The following AFF1 variants were observed in gnomAD, a reference collection of about 807,000 sequenced individuals.
AFF1 encodes the protein ALF transcription elongation factor 1, also known as AF4/FMR2 family member 1.
AFF1 carries 48 observed loss-of-function variants against 121.7 expected under a neutral mutation model. That is an observed-to-expected ratio of 0.39 (90% CI 0.31 to 0.50). AFF1 has a LOEUF of 0.50. Among genes scored for constraint, AFF1 ranks in the 20% least tolerant of loss-of-function variants. The pLI is 0.76. For synonymous variants in AFF1, 613 were observed against 563.0 expected, an observed-to-expected ratio of 1.09 and a Z score of -1.26; for missense variants, 1,523 against 1,511.7, an observed-to-expected ratio of 1.01 and a Z score of -0.12.
intron 12 of AFF1, among the ~76,000 whole-genome samples, chr4:87,122,187 G>A (rs537396812): frequency 6.6e-6 from 1 of 152,294 alleles, no homozygotes; most frequent in South Asian, 2.1e-4. Context: ...TTTCTGTCTT[G>A]TAATGTTTCT....
chr4:87,002,777 C>T (rs894889604), intron 2 of AFF1, among the ~76,000 whole-genome samples: 6 of 152,104 alleles, frequency 3.9e-5, no homozygotes, highest in South Asian at 2.1e-4. Flanking sequence ...TAGCAGGAGC[C>T]GGGTCCAGGG....
chr4:87,006,143 C>A (rs1726099861), intron 2 of AFF1, among the ~76,000 whole-genome samples: 1 of 152,144 alleles, frequency 6.6e-6, no homozygotes, highest in Non-Finnish European at 1.5e-5. Context: ...TCTGGACTAT[C>A]TCTTTATGAG....
At chr4:87,094,569 C>A (rs1724636168) in intron 7 of AFF1, among the ~76,000 whole-genome samples, 1 of 152,180 alleles carries the variant, frequency 6.6e-6, no homozygotes, top group Non-Finnish European at 1.5e-5. Flanking sequence ...TGTAAAGTCA[C>A]ATGGGACCCA....
At chr4:86,946,937 C>T (rs17012182) in intron 1 of AFF1, among the ~76,000 whole-genome samples, 3,333 of 152,246 alleles carry the variant, frequency 0.022, 146 homozygotes, top group African/African-American at 0.076. Flanking sequence ...AGGGACTCTT[C>T]AGATGCCTCT....
At chr4:87,095,802 C>G (rs181903231) in intron 8 of AFF1, among the ~76,000 whole-genome samples, 3,467 of 146,370 alleles carry the variant, frequency 0.024, 86 homozygotes, top group African/African-American at 0.068. Context: ...GTATTGAACT[C>G]TTACTACTTT....
chr4:87,075,586 A>G (rs955567965), intron 4 of AFF1, among the ~76,000 whole-genome samples: 2 of 151,952 alleles, frequency 1.3e-5, no homozygotes, highest in Non-Finnish European at 2.9e-5. Flanking sequence ...ACCCTCCCCA[A>G]CCTGACGTTC....
chr4:86,999,435 T>C (rs775583219), intron 2 of AFF1, among the ~76,000 whole-genome samples: 1 of 152,226 alleles, frequency 6.6e-6, no homozygotes. Context: ...CATTGATAGA[T>C]ATCTCTCAGC....
At chr4:86,996,620 C>T (rs1350254191) in intron 2 of AFF1, among the ~76,000 whole-genome samples, 2 of 151,576 alleles carry the variant, frequency 1.3e-5, no homozygotes, top group Non-Finnish European at 2.9e-5. Flanking sequence ...CTAGGAAAAC[C>T]AGAGACCTTT....
intron 1 of AFF1, among the ~76,000 whole-genome samples, chr4:86,943,318 C>G (rs188549493): frequency 1.4e-4 from 21 of 152,166 alleles, no homozygotes; most frequent in Admixed American, 4.6e-4. Context: ...ATGATCTCTC[C>G]CAGGGGTAGA....
chr4:86,950,664 T>C (rs188425955), intron 2 of AFF1, among the ~76,000 whole-genome samples: 357 of 152,294 alleles, frequency 2.3e-3, no homozygotes, highest in African/African-American at 7.7e-3. Flanking sequence ...TTTAGGAAAT[T>C]ATTCAATTCC....
At chr4:87,073,851 A>G (rs1205102115) in intron 4 of AFF1, among the ~76,000 whole-genome samples, 1 of 150,762 alleles carries the variant, frequency 6.6e-6, no homozygotes, top group African/African-American at 2.5e-5. Context: ...TTTGACAGAG[A>G]GCAGAAATAC....
At chr4:87,013,029 G>C (rs1726938249) in intron 2 of AFF1, among the ~76,000 whole-genome samples, 1 of 84,316 alleles carries the variant, frequency 1.2e-5, no homozygotes, top group Admixed American at 1.6e-4. Context: ...CTGCTATCAA[G>C]TTCTTTTTTT....
At chr4:86,967,141 A>T (rs1722592505) in intron 2 of AFF1, among the ~76,000 whole-genome samples, 1 of 152,208 alleles carries the variant, frequency 6.6e-6, no homozygotes. Flanking sequence ...TTACAGGAAC[A>T]TGTAGGAGTA....
chr4:86,949,537 A>ATTTTTTTTTTTT (rs754229542), intron 2 of AFF1: 2 of 244,120 alleles, frequency 8.2e-6, no homozygotes, highest in Non-Finnish European at 1.4e-5. Context: ...TATTATTATT[A>ATTTTTTTTTTTT]TTTTTTTTTT....
At chr4:87,051,711 G>A (rs868722706) in intron 4 of AFF1, among the ~76,000 whole-genome samples, 4 of 151,712 alleles carry the variant, frequency 2.6e-5, no homozygotes, top group South Asian at 4.2e-4. Flanking sequence ...TTCATGATCC[G>A]CCCACCTCAG....
intron 2 of AFF1, among the ~76,000 whole-genome samples, chr4:87,034,954 A>G (rs1729416039): frequency 6.6e-6 from 1 of 152,192 alleles, no homozygotes; most frequent in Non-Finnish European, 1.5e-5. Context: ...TGTGCTGGGT[A>G]AGGAACCCTC....
chr4:86,967,122 T>C (rs1328305885), intron 2 of AFF1, among the ~76,000 whole-genome samples: 2 of 152,196 alleles, frequency 1.3e-5, no homozygotes, highest in African/African-American at 2.4e-5. Flanking sequence ...ATCAGGGAAA[T>C]ACAGGGTTTT....
At chr4:87,041,381 G>A (rs1056123067) in intron 2 of AFF1, among the ~76,000 whole-genome samples, 1 of 152,148 alleles carries the variant, frequency 6.6e-6, no homozygotes, top group African/African-American at 2.4e-5. Context: ...GCCCCAAAAA[G>A]GATGTGCTGT....
chr4:86,995,191 G>C (rs1445534313), intron 2 of AFF1, among the ~76,000 whole-genome samples: 1 of 152,078 alleles, frequency 6.6e-6, no homozygotes, highest in African/African-American at 2.4e-5. Context: ...TGAAATTGCA[G>C]CACTGCACTT....
Sources: gnomAD v4.1 joint callset for allele counts (sites outside exome capture counted in the v4.1 genomes callset) on GRCh38, gnomAD v4.1.1 for gene constraint, MANE v1.5 for transcripts, NCBI Gene and HGNC (gene_info 2026-07-23, HGNC 2026-07-21) for gene names.